The following VNN1 variants were observed in gnomAD, a reference collection of about 807,000 sequenced individuals.
VNN1 encodes the protein pantetheinase.
A neutral mutation model predicts 41.9 loss-of-function variants in VNN1; 29 were observed. The ratio of observed to expected loss-of-function variants is 0.69; its 90% CI spans 0.52 to 0.94. VNN1 has a LOEUF of 0.94. VNN1 is among the 40% of genes least tolerant of loss of function. The pLI is 0.00. For synonymous variants in VNN1, 233 were observed against 224.4 expected (o/e 1.04, Z -0.34); for missense variants, 637 against 621.1 (o/e 1.03, Z -0.27).
In VNN1 at chr6:132,681,131, T is replaced by C. The variant is rs903189417; in HGVS notation, c.*2009A>G. 2.2e-4 allele frequency among the ~76,000 whole-genome samples: 33 copies of C among 152,196 alleles called. No homozygotes were observed. The highest frequency in any genetic ancestry group is 8.0e-4 in the African/African-American group (33 of 41,442). ...TCTGTCCACGTTGTGCCATTGTTGG[T>C]CCATGTGACCAACATCATGTGGAAG... is the stretch of plus-strand genomic sequence containing the variant. On this transcript the variant is annotated 3_prime_UTR_variant, in exon 7 of 7. Transcript: ENST00000367928.
At chr6:132,709,488 T>A (rs1359093113) in intron 2 of VNN1, among the ~76,000 whole-genome samples, 1 of 152,034 alleles carries the variant, frequency 6.6e-6, no homozygotes, top group Non-Finnish European at 1.5e-5. Flanking sequence ...CTGGCCAACA[T>A]GGTGAAACCC....
chr6:132,683,116 T>C lies in VNN1; in HGVS notation c.*24A>G. The stretch of plus-strand genomic sequence containing the variant: ...CCATCATTTTTTAAATTATCCCAAA[T>C]AAAAAAGAGAAAAAGTCAATATTCT... On this transcript the variant is annotated 3_prime_UTR_variant, in exon 7 of 7. Coordinates refer to ENST00000367928, the MANE Select transcript of VNN1 (RefSeq NM_004666.3). The C allele has an allele frequency of 6.4e-7, 1 of 1,565,400 alleles. No individual in the cohort carries two copies. The highest frequency in any genetic ancestry group is 8.6e-7 in the Non-Finnish European group (1 of 1,156,820).
rs76922607 is a variant in VNN1, at chr6:132,702,242, T to A, written c.342-8060A>T. 8.3e-4 allele frequency among the ~76,000 whole-genome samples: 127 copies of A among 152,308 alleles called. 2 individuals are homozygous for A. In the East Asian group the frequency reaches 0.023, roughly 28 times the overall value. ...TCAGATCAGTTGCAGCATTAGATTC[T>A]CATAGGAATGGAAGCCTGTTGTGAA... On this transcript the variant is annotated intron_variant, in intron 2 of 6. Transcript: ENST00000367928.
intron 5 of VNN1, among the ~76,000 whole-genome samples, chr6:132,688,968 A>T (rs545334695): frequency 6.6e-6 from 1 of 152,222 alleles, no homozygotes; most frequent in Non-Finnish European, 1.5e-5. Flanking sequence ...AGCTCACTGC[A>T]ACCTCTATCT....
At chr6:132,694,312 G>A (rs1778336194) in intron 2 of VNN1, 130 bp from the exon 3 acceptor site, 4 of 993,788 alleles carry the variant, frequency 4.0e-6, no homozygotes, top group South Asian at 2.1e-5. Context: ...ACAATAATTA[G>A]AAGAGAAGTA....
At position 132,692,478 on chromosome 6, in the gene VNN1, AGAATGG is replaced by A; in HGVS notation, c.927_932del (p.His310_Ser311del). ...CATAGGAAGTCCAGTTCACCACTGC[AGAATGG>A]GATGGGTGGGAATCCAGTTGCGAGA... is the stretch of plus-strand genomic sequence containing the variant. On this transcript the variant is annotated inframe_deletion, in exon 5 of 7. Coordinates refer to ENST00000367928, the MANE Select transcript of VNN1 (RefSeq NM_004666.3). The A allele has an allele frequency of 6.2e-7, 1 of 1,614,044 alleles. No homozygotes were observed. The highest frequency in any genetic ancestry group is 2.2e-5 in the East Asian group (1 of 44,870).
intron 2 of VNN1, among the ~76,000 whole-genome samples, chr6:132,706,333 G>C (rs1009866805): frequency 6.6e-6 from 1 of 151,948 alleles, no homozygotes; most frequent in Non-Finnish European, 1.5e-5. Flanking sequence ...ACAGAAGAGA[G>C]AACCCAGAAA....
At position 132,684,320 on chromosome 6, in the gene VNN1, T is replaced by A. The variant is rs765448999; in HGVS notation, c.1359+15A>T. 6.2e-7 allele frequency: 1 copy of A among 1,602,394 alleles called. No homozygotes were observed. The highest frequency in any genetic ancestry group is 1.1e-5 in the South Asian group (1 of 89,756). On this transcript the variant is annotated intron_variant, in intron 6 of 6. Transcript: ENST00000367928. ...TCTTACATGAAACTAATTGGCAATATTCGAAGATTCTTACCTGAAATTCTC... is the reference window on the plus strand; with the variant it reads ...TCTTACATGAAACTAATTGGCAATAATCGAAGATTCTTACCTGAAATTCTC...
At chr6:132,698,833 T>C (rs1410190675) in intron 2 of VNN1, 1 of 226,722 alleles carries the variant, frequency 4.4e-6, no homozygotes, top group Non-Finnish European at 1.0e-5. Flanking sequence ...ACCAGCTGAA[T>C]GCCTTGTTGG....
rs768825302 is a variant in VNN1, at chr6:132,693,312, T to G, written c.538A>C (p.Asn180His). ...AATTGATTTTCACCCATGAAAAGGT[T>G]TTGCTGCAATAAACAGAAGATAAAG... is the stretch of plus-strand genomic sequence containing the variant. The part of the protein sequence containing the change: ...GKLVARYHKQ[N>H]LFMGENQFNV... Residue 180 changes from asparagine to histidine, a missense_variant, in exon 4 of 7, where the codon AAC (asparagine) becomes CAC (histidine). By Grantham distance (68) the Asn-to-His change is moderately conservative (BLOSUM62 1). Transcript: ENST00000367928. The G allele has an allele frequency of 2.5e-6, 4 of 1,598,280 alleles. No homozygotes were observed. The highest frequency in any genetic ancestry group is 3.4e-6 in the Non-Finnish European group (4 of 1,173,180).
chr6:132,706,271 G>A (rs1375374994), intron 2 of VNN1, among the ~76,000 whole-genome samples: 1 of 152,150 alleles, frequency 6.6e-6, no homozygotes, highest in Non-Finnish European at 1.5e-5. Flanking sequence ...CAGAGCTCTA[G>A]TAACCAAAAC....
At chr6:132,690,269 G>A (rs1446727920) in intron 5 of VNN1, among the ~76,000 whole-genome samples, 4 of 152,176 alleles carry the variant, frequency 2.6e-5, no homozygotes, top group Admixed American at 2.6e-4. Context: ...AATCTTAAGT[G>A]TGCTAGGTAA....
chr6:132,705,720 A>G (rs1582777520), intron 2 of VNN1, among the ~76,000 whole-genome samples: 1 of 152,268 alleles, frequency 6.6e-6, no homozygotes, highest in East Asian at 1.9e-4. Context: ...GGAAAGGAGG[A>G]AAATTATTTT....
At position 132,692,336 on chromosome 6, in the gene VNN1, T is replaced by C; in HGVS notation, c.1075A>G (p.Lys359Glu). 1 of 1,614,250 alleles carries C rather than the reference T, an allele frequency of 6.2e-7. No individual in the cohort carries two copies. Among genetic ancestry groups the C allele is most frequent in the Non-Finnish European group, 8.5e-7 (1 of 1,180,032 alleles). ...GVAGNYTVCQ[K>E]DLCCHLSYKM... ...TAGCTTAAATGACAGCAGAGATCTT[T>C]CTGACAAACTGTATAATTTCCTGCA... Residue 359 changes from lysine (K) to glutamate (E), a missense_variant, in exon 5 of 7, where the codon AAA becomes GAA. Lys to Glu is a moderately conservative substitution (Grantham distance 56, BLOSUM62 1). Coordinates refer to ENST00000367928, the MANE Select transcript of VNN1 (RefSeq NM_004666.3).
In VNN1 at chr6:132,681,085, A is replaced by G. The variant is rs943180357; in HGVS notation, c.*2055T>C. On this transcript the variant is annotated 3_prime_UTR_variant, in exon 7 of 7. Coordinates refer to ENST00000367928, the MANE Select transcript of VNN1 (RefSeq NM_004666.3). ...GGCCCCCATGAAGCCCCACCTCCTG[A>G]TATTCTCAACTCTGTTTGATTCTGT... Among the ~76,000 whole-genome samples the G allele has an allele frequency of 1.8e-4, 28 of 152,212 alleles. No individual in the cohort carries two copies. Among genetic ancestry groups the G allele is most frequent in the African/African-American group, 6.0e-4 (25 of 41,516 alleles).
chr6:132,703,939 CA>C (rs1778483450), intron 2 of VNN1, among the ~76,000 whole-genome samples: 2 of 151,904 alleles, frequency 1.3e-5, no homozygotes, highest in Non-Finnish European at 1.5e-5. Flanking sequence ...GATTTCAGGA[CA>C]AAAACCATAA....
At chr6:132,698,397 G>A (rs1778402398) in intron 2 of VNN1, among the ~76,000 whole-genome samples, 1 of 152,226 alleles carries the variant, frequency 6.6e-6, no homozygotes, top group Non-Finnish European at 1.5e-5. Context: ...TATTGGACAT[G>A]TGGGCAACTG....
At chr6:132,692,663 CT>C (rs1778310080) in intron 4 of VNN1, 79 bp from the exon 5 acceptor site, 2 of 1,466,470 alleles carry the variant, frequency 1.4e-6, no homozygotes, top group African/African-American at 2.8e-5. Context: ...CTATTTTAAC[CT>C]CATATTCACA....
intron 1 of VNN1, among the ~76,000 whole-genome samples, chr6:132,713,517 A>G (rs1228828151): frequency 2.0e-5 from 3 of 152,204 alleles, no homozygotes; most frequent in African/African-American, 7.2e-5. Context: ...TGACCCATTT[A>G]TCCTCCATCC....
Sources: gnomAD v4.1 joint callset for allele counts (sites outside exome capture counted in the v4.1 genomes callset) on GRCh38, gnomAD v4.1.1 for gene constraint, MANE v1.5 for transcripts, NCBI Gene and HGNC (gene_info 2026-07-23, HGNC 2026-07-21) for gene names.